Variants in FCHSD2 observed in about 807,000 individuals in gnomAD.
FCHSD2 encodes the protein FCH and double SH3 domains 2.
A neutral mutation model predicts 108.1 loss-of-function variants in FCHSD2; 38 were observed. The observed-to-expected ratio is 0.35, with a 90% CI of 0.27 to 0.46. FCHSD2 has a LOEUF of 0.46. FCHSD2 is among the 20% of genes least tolerant of loss of function. FCHSD2 has a pLI of 1.00. For synonymous variants in FCHSD2, 279 were observed against 314.7 expected (o/e 0.89, Z 1.20); for missense variants, 751 against 897.8 (o/e 0.84, Z 2.09).
At chr11:73,081,750 T>C in intron 3 of FCHSD2, among the ~76,000 whole-genome samples, 1 of 152,158 alleles carries the variant, frequency 6.6e-6, no homozygotes, top group East Asian at 1.9e-4. Context: ...AGTGTACATG[T>C]ATGAAAGTGT....
chr11:72,904,797 A>G (rs952844960), intron 9 of FCHSD2, among the ~76,000 whole-genome samples: 1 of 152,074 alleles, frequency 6.6e-6, no homozygotes, highest in African/African-American at 2.4e-5. Context: ...TTCTTCATCT[A>G]TCTCTCCTTT....
intron 2 of FCHSD2, among the ~76,000 whole-genome samples, chr11:73,122,177 CA>C (rs544166742): frequency 1.4e-3 from 188 of 130,092 alleles, no homozygotes; most frequent in Admixed American, 2.4e-3. Context: ...ACTTAAAAGG[CA>C]AAAAAAAAAA....
chr11:72,966,885 G>A (rs1238020485), intron 8 of FCHSD2, among the ~76,000 whole-genome samples: 1 of 152,112 alleles, frequency 6.6e-6, no homozygotes, highest in Non-Finnish European at 1.5e-5. Context: ...ATTTGGACTG[G>A]GATGTGAACC....
chr11:73,121,651 A>C (rs1860737344), intron 2 of FCHSD2, among the ~76,000 whole-genome samples: 1 of 151,762 alleles, frequency 6.6e-6, no homozygotes, highest in Non-Finnish European at 1.5e-5. Flanking sequence ...GTAATTGTTA[A>C]GGGCCAAAAA....
chr11:72,947,755 T>TAATTATAGAATA (rs60386383), intron 8 of FCHSD2, among the ~76,000 whole-genome samples: 1 of 152,134 alleles, frequency 6.6e-6, no homozygotes, highest in Non-Finnish European at 1.5e-5. Context: ...CATAATTTTC[T>TAATTATAGAATA]CATAAAGAAA....
intron 4 of FCHSD2, among the ~76,000 whole-genome samples, chr11:73,003,543 G>C (rs1273695808): frequency 6.7e-6 from 1 of 148,962 alleles, no homozygotes; most frequent in African/African-American, 2.5e-5. Context: ...CTGGAGTGCA[G>C]TGGCGGGATC....
Position 72,848,549 on chromosome 11 carries a change from C to T in FCHSD2, c.1443+1206G>A, listed in dbSNP as rs1373907289. Among the ~76,000 whole-genome samples the T allele has an allele frequency of 2.0e-5, 3 of 152,180 alleles. No homozygotes were observed. In the East Asian group the frequency reaches 5.8e-4, roughly 29 times the overall value. On this transcript the variant is annotated intron_variant, in intron 14 of 19. Coordinates refer to ENST00000409418, the MANE Select transcript of FCHSD2 (RefSeq NM_014824.3). ...TTTTCCAGTTTAATATTTAACCCTTCATAGATTGTCCATTCCTAGAGGGGA... is the reference window on the plus strand; with the variant it reads ...TTTTCCAGTTTAATATTTAACCCTTTATAGATTGTCCATTCCTAGAGGGGA...
chr11:72,994,874 C>T (rs1857492230), intron 5 of FCHSD2, among the ~76,000 whole-genome samples: 1 of 152,018 alleles, frequency 6.6e-6, no homozygotes, highest in African/African-American at 2.4e-5. Context: ...CAAAATTCAC[C>T]TTTTTAAAGT....
In FCHSD2 at chr11:73,141,922, G is replaced by A. The variant is rs1160690674; in HGVS notation, c.-45C>T. The A allele has an allele frequency of 6.5e-7, 1 of 1,534,200 alleles. No homozygotes were observed. The highest frequency in any genetic ancestry group is 2.0e-5 in the Admixed American group (1 of 49,632). On this transcript the variant is annotated 5_prime_UTR_variant, in exon 1 of 20. Transcript: ENST00000409418. ...TCCTCCCCGACGGCAGCGTTAGCAA[G>A]GACCAGGAGGAGGAGGAGGGCCGGA...
intron 8 of FCHSD2, among the ~76,000 whole-genome samples, chr11:72,958,168 C>T (rs1375222281): frequency 3.3e-5 from 5 of 152,142 alleles, no homozygotes; most frequent in Non-Finnish European, 7.4e-5. Flanking sequence ...GGAAAGATGG[C>T]TTGCTTTAAA....
intron 3 of FCHSD2, among the ~76,000 whole-genome samples, chr11:73,038,103 T>G (rs527826739): frequency 1.3e-5 from 2 of 152,192 alleles, no homozygotes; most frequent in Non-Finnish European, 2.9e-5. Flanking sequence ...TAAAAAATTC[T>G]TATGACGAGG....
intron 3 of FCHSD2, among the ~76,000 whole-genome samples, chr11:73,077,097 CAA>C (rs372641793): frequency 9.7e-5 from 7 of 72,492 alleles, no homozygotes; most frequent in Non-Finnish European, 1.3e-4. Flanking sequence ...GACTCTGTCT[CAA>C]AAAAAAAAAA....
chr11:72,915,684 G>C (rs568202674), intron 9 of FCHSD2, among the ~76,000 whole-genome samples: 2 of 152,230 alleles, frequency 1.3e-5, no homozygotes, highest in South Asian at 2.1e-4. Context: ...CGGGCGCGGT[G>C]GTGGGCGCCT....
chr11:72,851,790 G>A (rs1443851361), intron 13 of FCHSD2, among the ~76,000 whole-genome samples: 4 of 151,608 alleles, frequency 2.6e-5, no homozygotes, highest in Non-Finnish European at 5.9e-5. Context: ...AATAAAGTTC[G>A]TGAAGTATGT....
At chr11:72,926,541 C>T (rs1200024184) in intron 8 of FCHSD2, among the ~76,000 whole-genome samples, 1 of 152,130 alleles carries the variant, frequency 6.6e-6, no homozygotes, top group Non-Finnish European at 1.5e-5. Flanking sequence ...AATGACTTGC[C>T]TGTGGACAAA....
At chr11:72,939,465 C>T (rs904976030) in intron 8 of FCHSD2, among the ~76,000 whole-genome samples, 2 of 151,994 alleles carry the variant, frequency 1.3e-5, no homozygotes, top group Non-Finnish European at 2.9e-5. Context: ...TTAATTTTCT[C>T]TAGAGAGTTA....
chr11:73,084,324 G>A (rs1859764878), intron 2 of FCHSD2, among the ~76,000 whole-genome samples: 1 of 152,170 alleles, frequency 6.6e-6, no homozygotes, highest in African/African-American at 2.4e-5. Context: ...ACAAATTGTG[G>A]TATGATGAGA....
chr11:73,033,348 A>G (rs568457091), intron 3 of FCHSD2, among the ~76,000 whole-genome samples: 44 of 152,238 alleles, frequency 2.9e-4, no homozygotes, highest in Non-Finnish European at 5.6e-4. Flanking sequence ...CTACCACTCT[A>G]GTCCTGTCCA....
chr11:72,887,413 C>G, intron 12 of FCHSD2, 57 bp downstream of exon 12: 1 of 1,050,628 alleles, frequency 9.5e-7, no homozygotes, highest in Non-Finnish European at 1.5e-6. Context: ...ATGTATATCA[C>G]AGCTGTGACA....
Sources: gnomAD v4.1 joint callset for allele counts (sites outside exome capture counted in the v4.1 genomes callset) on GRCh38, gnomAD v4.1.1 for gene constraint, MANE v1.5 for transcripts, NCBI Gene and HGNC (gene_info 2026-07-23, HGNC 2026-07-21) for gene names.